KIAA1755: variants seen among roughly 807,000 people sequenced by gnomAD.
KIAA1755 encodes KIAA1755.
In KIAA1755, 68 loss-of-function variants were observed where a neutral mutation model predicts 91.7. The observed-to-expected ratio is 0.74, with a 90% CI of 0.61 to 0.91. The LOEUF is 0.91. Ranked by LOEUF, KIAA1755 falls within the 40% of genes least tolerant of loss-of-function variation. KIAA1755 has a pLI of 0.00. For synonymous variants in KIAA1755, 610 were observed against 604.6 expected, an observed-to-expected ratio of 1.01 and a Z score of -0.13; for missense variants, 1,535 against 1,494.4, an observed-to-expected ratio of 1.03 and a Z score of -0.45.
intron 4 of KIAA1755, among the ~76,000 whole-genome samples, chr20:38,232,423 G>A (rs889219411): frequency 2.6e-5 from 4 of 151,166 alleles, no homozygotes; most frequent in Non-Finnish European, 4.4e-5. Context: ...TCAGGAGATC[G>A]ACACCATCCT....
intron 9 of KIAA1755, 29 bp from the exon 10 acceptor site, chr20:38,222,626 C>T (rs1236423320): frequency 1.2e-6 from 2 of 1,607,020 alleles, no homozygotes; most frequent in Non-Finnish European, 1.7e-6. Flanking sequence ...GCCCTGAGGC[C>T]CCATCCCCAC....
At chr20:38,226,982 G>A (rs1197969322) in intron 7 of KIAA1755, among the ~76,000 whole-genome samples, 172 bp downstream of exon 7, 5 of 152,134 alleles carry the variant, frequency 3.3e-5, no homozygotes, top group Non-Finnish European at 4.4e-5. Context: ...TGCCTGCCAC[G>A]GATCTATACT....
chr20:38,249,547 C>A (rs2076211722), intron 1 of KIAA1755, among the ~76,000 whole-genome samples: 1 of 152,198 alleles, frequency 6.6e-6, no homozygotes, highest in South Asian at 2.1e-4. Context: ...CCACACAGTG[C>A]TGGGCGCAGG....
chr20:38,247,561 G>A (rs78208204), intron 1 of KIAA1755, among the ~76,000 whole-genome samples: 5,698 of 152,256 alleles, frequency 0.037, 148 homozygotes, highest in African/African-American at 0.071. Flanking sequence ...CTATTACAGC[G>A]GTTCCCATCT....
chr20:38,244,163 T>G (rs888310200), intron 2 of KIAA1755, among the ~76,000 whole-genome samples: 9 of 152,168 alleles, frequency 5.9e-5, no homozygotes, highest in African/African-American at 2.2e-4. Flanking sequence ...AAGCGGCCAG[T>G]GCAAATGAAG....
chr20:38,223,832 G>A (rs1009628222), intron 8 of KIAA1755, among the ~76,000 whole-genome samples, 196 bp from the exon 9 acceptor site: 20 of 152,312 alleles, frequency 1.3e-4, no homozygotes, highest in African/African-American at 4.1e-4. Flanking sequence ...CCTCTGGGGC[G>A]AGGCATGGTA....
Position 38,241,562 on chromosome 20 carries a change from C to T in KIAA1755, c.569G>A (p.Arg190Lys), listed in dbSNP as rs770666744. The T allele has an allele frequency of 1.2e-6, 2 of 1,614,258 alleles. No individual in the cohort carries two copies. The highest frequency in any genetic ancestry group is 4.5e-5 in the East Asian group (2 of 44,882). ...GCAGAGGGCATTCACTACTTGGGGT[C>T]TGTCATCCACAAACTCTGGGCTGGT... ...KITSPEFVDD[R>K]PQVVNALCQA... Residue 190 changes from arginine to lysine, a missense_variant, in exon 3 of 14, where the codon AGA becomes AAA. Transcript: ENST00000279024.
At position 38,241,843 on chromosome 20, in the gene KIAA1755, G is replaced by T. The variant is rs756252935; in HGVS notation, c.288C>A (p.Asn96Lys). The change falls in exon 3 of 14, where the codon AAC becomes AAA. Residue 96 changes from asparagine (N) to lysine (K), a missense_variant. Asn to Lys is a moderately conservative substitution (Grantham distance 94, BLOSUM62 0). Coordinates refer to ENST00000279024, the MANE Select transcript of KIAA1755 (RefSeq NM_001029864.2). ...AGTCACCCTGGCGCAATAAGAGAGG[G>T]TTGAGGGGTGCCAAGTGGACCACAA... is the stretch of plus-strand genomic sequence containing the variant. The part of the protein sequence containing the change: ...DEVVVHLAPL[N>K]PLLLRQGDFY... The T allele has an allele frequency of 2.4e-5, 39 of 1,614,130 alleles. No homozygotes were observed. Among genetic ancestry groups the T allele is most frequent in the Non-Finnish European group, 3.3e-5 (39 of 1,180,024 alleles).
rs141179017 is a variant in KIAA1755, at chr20:38,246,135, G to A, written c.4-9C>T. The A allele has an allele frequency of 2.5e-6, 4 of 1,609,916 alleles. No homozygotes were observed. The Admixed American group carries it at 6.7e-5, about 27-fold the overall frequency. The stretch of plus-strand genomic sequence containing the variant: ...TCGAGGGATGGAGGGTCCTGTGGGG[G>A]ACAGGAGGAGGGGGTGATAATAGCA... On this transcript the variant is annotated splice_polypyrimidine_tract_variant and intron_variant, in intron 1 of 13. Coordinates refer to ENST00000279024, the MANE Select transcript of KIAA1755 (RefSeq NM_001029864.2).
intron 1 of KIAA1755, among the ~76,000 whole-genome samples, chr20:38,252,831 A>T (rs1056686949): frequency 6.6e-5 from 10 of 152,110 alleles, no homozygotes; most frequent in Admixed American, 3.3e-4. Flanking sequence ...TACCCACTAC[A>T]GGCCTGAACC....
rs2076060244 is a variant in KIAA1755 at position 38,241,381 on chromosome 20, C to T, written c.750G>A (p.Lys250=). The T allele has an allele frequency of 3.1e-6, 5 of 1,614,216 alleles. No homozygotes were observed. Among genetic ancestry groups the T allele is most frequent in the Non-Finnish European group, 3.4e-6 (4 of 1,180,040 alleles). ...TYGSKYPGLI[K]VEQARCGEVA... ...CCTCCCCACACCGGGCTTGCTCCAC[C>T]TTGATGAGTCCTGGATACTTGCTCC... Residue 250 remains lysine, a synonymous_variant, in exon 3 of 14, where the codon AAG becomes AAA. Coordinates refer to ENST00000279024, the MANE Select transcript of KIAA1755 (RefSeq NM_001029864.2).
chr20:38,227,671 G>A (rs2075784876), intron 6 of KIAA1755, among the ~76,000 whole-genome samples: 1 of 152,226 alleles, frequency 6.6e-6, no homozygotes, highest in African/African-American at 2.4e-5. Flanking sequence ...CCACAGGGTT[G>A]GGTGTGGAGG....
chr20:38,258,341 A>G (rs1459957277), intron 1 of KIAA1755, among the ~76,000 whole-genome samples: 5 of 152,346 alleles, frequency 3.3e-5, no homozygotes, highest in Middle Eastern at 3.4e-3. Context: ...AGTAGATTTT[A>G]TCATTTTCTT....
intron 5 of KIAA1755, among the ~76,000 whole-genome samples, chr20:38,230,963 G>T (rs545927095): frequency 8.6e-5 from 13 of 151,840 alleles, no homozygotes; most frequent in Admixed American, 6.6e-4. Context: ...ACTCCTGAAA[G>T]TTTCTTGGCC....
intron 1 of KIAA1755, among the ~76,000 whole-genome samples, chr20:38,248,339 A>G (rs1329646009): frequency 6.6e-6 from 1 of 152,244 alleles, no homozygotes; most frequent in Non-Finnish European, 1.5e-5. Context: ...GGCGTCTCCT[A>G]GAAGCTGGAG....
At chr20:38,232,935 T>C (rs1403967574) in intron 4 of KIAA1755, among the ~76,000 whole-genome samples, 4 of 151,978 alleles carry the variant, frequency 2.6e-5, no homozygotes, top group Admixed American at 1.3e-4. Flanking sequence ...CTGGGCAACA[T>C]AGCAAGACCT....
At position 38,240,654 on chromosome 20, in the gene KIAA1755, G is replaced by C; in HGVS notation, c.1477C>G (p.His493Asp). ...SVTPEKASLQ[H>D]NGPWKVLCSL... Reference sequence around the variant, plus strand: ...CACAGGACTTTCCAGGGCCCATTGTGCTGGAGTGAGGCTTTCTCCGGGGTC... The same window carrying C: ...CACAGGACTTTCCAGGGCCCATTGTCCTGGAGTGAGGCTTTCTCCGGGGTC... Residue 493 changes from histidine (H) to aspartate (D), a missense_variant, in exon 3 of 14, where the codon CAC (histidine) becomes GAC (aspartate). By Grantham distance (81) the His-to-Asp change is moderately conservative. Coordinates refer to ENST00000279024, the MANE Select transcript of KIAA1755 (RefSeq NM_001029864.2). 6.5e-7 allele frequency: 1 copy of C among 1,535,318 alleles called. No homozygotes were observed. Among genetic ancestry groups the C allele is most frequent in the Non-Finnish European group, 8.7e-7 (1 of 1,143,522 alleles).
At chr20:38,224,906 T>A (rs949473954) in intron 8 of KIAA1755, among the ~76,000 whole-genome samples, 3 of 152,196 alleles carry the variant, frequency 2.0e-5, no homozygotes, top group African/African-American at 7.2e-5. Flanking sequence ...GCTGCCTTAT[T>A]TCCTCCCTCT....
chr20:38,228,371 C>A, intron 5 of KIAA1755, 131 bp from the exon 6 acceptor site: 1 of 619,530 alleles, frequency 1.6e-6, no homozygotes, highest in Non-Finnish European at 2.6e-6. Context: ...CTGTTAAGAC[C>A]AAGTTCCAAT....
Sources: allele counts gnomAD v4.1 joint callset (sites outside exome capture counted in the v4.1 genomes callset), GRCh38; gene constraint gnomAD v4.1.1; transcripts MANE v1.5; gene names NCBI Gene and HGNC (gene_info 2026-07-23, HGNC 2026-07-21).